VPS35: variants seen among roughly 807,000 people sequenced by gnomAD.
VPS35 encodes the protein VPS35 retromer complex component.
Under a neutral mutation model 98.1 loss-of-function variants are expected in VPS35, and 21 were observed. That is an observed-to-expected ratio of 0.21 (90% CI 0.15 to 0.31). The LOEUF (loss-of-function observed/expected upper bound fraction) is 0.31. Among genes scored for constraint, VPS35 ranks in the 10% least tolerant of loss-of-function variants. The pLI, the probability that VPS35 is intolerant of heterozygous loss-of-function variation, is 1.00. For missense variants in VPS35, 554 were observed against 950.8 expected (o/e 0.58, Z 5.49); for synonymous variants, 268 against 318.2 (o/e 0.84, Z 1.68).
At chr16:46,688,711 G>A in intron 1 of VPS35, 1 of 1,139,926 alleles carries the variant, frequency 8.8e-7, no homozygotes, top group Admixed American at 4.1e-5. Flanking sequence ...AGGTAGAAAC[G>A]CAACATCTGG....
intron 13 of VPS35, among the ~76,000 whole-genome samples, chr16:46,663,512 G>C (rs566206994): frequency 1.3e-5 from 2 of 152,126 alleles, no homozygotes; most frequent in Non-Finnish European, 2.9e-5. Flanking sequence ...CTCCCGAGTA[G>C]CTGGGATTAC....
intron 5 of VPS35, among the ~76,000 whole-genome samples, chr16:46,679,697 G>A (rs996640563): frequency 6.6e-6 from 1 of 152,154 alleles, no homozygotes; most frequent in African/African-American, 2.4e-5. Flanking sequence ...TGGATTTCCT[G>A]CTTTATTTTT....
intron 13 of VPS35, among the ~76,000 whole-genome samples, chr16:46,665,840 G>C (rs561435475): frequency 2.0e-4 from 31 of 152,204 alleles, no homozygotes; most frequent in Admixed American, 1.8e-3. Flanking sequence ...ACCCAGGCTG[G>C]AGCGCAAAAG....
intron 10 of VPS35, among the ~76,000 whole-genome samples, 174 bp from the exon 11 acceptor site, chr16:46,672,646 T>A (rs1241453517): frequency 6.6e-6 from 1 of 152,240 alleles, no homozygotes; most frequent in Non-Finnish European, 1.5e-5. Flanking sequence ...ATAAAAATGC[T>A]TATCTAAACA....
rs1965853579 is a variant in VPS35 at position 46,657,586 on chromosome 16, T to C, written c.*2886A>G. 6.6e-6 allele frequency: 1 copy of C among 152,202 alleles called. No individual in the cohort carries two copies. The highest frequency in any genetic ancestry group is 2.4e-5 in the African/African-American group (1 of 41,422). The allele number at this position is 152,202 out of a possible 1,614,324, so 9.4% of individuals were successfully genotyped here. On this transcript the variant is annotated 3_prime_UTR_variant, in exon 17 of 17. Coordinates refer to ENST00000299138, the MANE Select transcript of VPS35 (RefSeq NM_018206.6). ...TGCCTGATCAACTCAAACGCCTCTC[T>C]CTTTGAGCAGTGTCTATCAGCAGGG...
chr16:46,679,951 AAAAC>A (rs749017761), intron 5 of VPS35, among the ~76,000 whole-genome samples: 7 of 152,274 alleles, frequency 4.6e-5, no homozygotes, highest in Non-Finnish European at 8.8e-5. Context: ...TAAAAAGAAA[AAAAC>A]AAAATCTGTT....
At chr16:46,681,227 TA>T in intron 4 of VPS35, 149 bp downstream of exon 4, 3 of 1,150,774 alleles carry the variant, frequency 2.6e-6, no homozygotes, top group Non-Finnish European at 3.8e-6. Context: ...CTAGTTACTC[TA>T]AAACAAGTAA....
chr16:46,665,197 T>C (rs773554761), intron 13 of VPS35, among the ~76,000 whole-genome samples: 5 of 152,246 alleles, frequency 3.3e-5, no homozygotes, highest in African/African-American at 7.2e-5. Context: ...ATTTGATTTC[T>C]TAAAAGGTTC....
intron 8 of VPS35, among the ~76,000 whole-genome samples, chr16:46,675,735 A>G (rs1385879684): frequency 1.3e-5 from 2 of 152,210 alleles, no homozygotes; most frequent in African/African-American, 4.8e-5. Flanking sequence ...AGTGTAGGAC[A>G]GACATCATAT....
Position 46,657,988 on chromosome 16 carries a change from C to T in VPS35, c.*2484G>A, listed in dbSNP as rs1596706550. 2 of 152,314 alleles carry T rather than the reference C, an allele frequency of 1.3e-5. No individual in the cohort carries two copies. The highest frequency in any genetic ancestry group is 3.9e-4 in the East Asian group (2 of 5,186). 9.4% of individuals were successfully genotyped at this position (152,314 alleles called of 1,614,324 possible). A position where few individuals can be genotyped will look rare whatever the true frequency, so the allele number is the denominator to read the frequency against. On this transcript the variant is annotated 3_prime_UTR_variant, in exon 17 of 17. Transcript: ENST00000299138. ...AAAGGAGAACAGGGAATAGCAGACA[C>T]ACAAAGCACAAAGCCAAATATTTAT... is the stretch of plus-strand genomic sequence containing the variant.
At chr16:46,669,666 C>CAA (rs949838651) in intron 12 of VPS35, among the ~76,000 whole-genome samples, 3 of 60,718 alleles carry the variant, frequency 4.9e-5, no homozygotes, top group Non-Finnish European at 3.4e-5. Context: ...GATTCCATCT[C>CAA]AAAAAAAAAA....
Position 46,681,904 on chromosome 16 carries a change from G to A in VPS35, c.199+175C>T, listed in dbSNP as rs1307422493. ...AAAGATGTTTAAGCATAGGAAAGGAGTACTCTCAAAGTGTTTTTCTCACTT... is the reference window on the plus strand; with the variant it reads ...AAAGATGTTTAAGCATAGGAAAGGAATACTCTCAAAGTGTTTTTCTCACTT... On this transcript the variant is annotated intron_variant, in intron 3 of 16. Transcript: ENST00000299138. The A allele has an allele frequency of 9.0e-5, 55 of 610,432 alleles. No homozygotes were observed. In the Admixed American group the frequency reaches 1.6e-3, roughly 17 times the overall value. The allele number at this position is 610,432 out of a possible 1,614,324, so 37.8% of individuals were successfully genotyped here.
In VPS35 at chr16:46,671,593, C is replaced by T; in HGVS notation, c.1524+112G>A. On this transcript the variant is annotated intron_variant, in intron 12 of 16. Transcript: ENST00000299138. ...TTCAAGTGAATCTTTAATTCAGTTG[C>T]AATTCCTTCAAAACCATCTAAGACC... 3 of 1,453,372 alleles carry T rather than the reference C, an allele frequency of 2.1e-6. No individual in the cohort carries two copies. The East Asian group carries it at 7.2e-5, about 35-fold the overall frequency. The allele number at this position is 1,453,372 out of a possible 1,614,324, so 90.0% of individuals were successfully genotyped here.
intron 1 of VPS35, 102 bp from the exon 2 acceptor site, chr16:46,683,708 C>CA (rs1396740725): frequency 1.1e-5 from 13 of 1,233,290 alleles, no homozygotes; most frequent in Non-Finnish European, 1.5e-5. Flanking sequence ...ATGTCCAGCT[C>CA]TATACCTCAA....
chr16:46,683,402 C>T (rs1966262352), intron 2 of VPS35, 106 bp downstream of exon 2: 33 of 1,052,100 alleles, frequency 3.1e-5, no homozygotes, highest in South Asian at 1.3e-4. Context: ...TGCTGGTAAA[C>T]GGTGAAGATT....
Position 46,671,851 on chromosome 16 carries a change from T to C in VPS35, c.1378A>G (p.Ile460Val), listed in dbSNP as rs367611000. 41 of 1,612,508 alleles carry C rather than the reference T, an allele frequency of 2.5e-5. No homozygotes were observed. The highest frequency in any genetic ancestry group is 3.3e-5 in the South Asian group (3 of 91,022). Residue 460 changes from isoleucine to valine, a missense_variant, in exon 12 of 17, where the codon ATA becomes GTA. Ile to Val is a conservative substitution (Grantham distance 29). Transcript: ENST00000299138. Reference sequence around the variant, plus strand: ...ATCAACGTGGATACCAAATTCATTATGGAATCCACCTGTAACATGCGAGGC... The same window carrying C: ...ATCAACGTGGATACCAAATTCATTACGGAATCCACCTGTAACATGCGAGGC... The part of the protein sequence containing the change: ...EIVSQDQVDS[I>V]MNLVSTLIQD...
At position 46,660,352 on chromosome 16, in the gene VPS35, G is replaced by C. The variant is rs1427823670; in HGVS notation, c.*120C>G. 1.3e-5 allele frequency: 17 copies of C among 1,273,768 alleles called. No individual in the cohort carries two copies. Among genetic ancestry groups the C allele is most frequent in the African/African-American group, 7.3e-5 (5 of 68,332 alleles). The allele number at this position is 1,273,768 out of a possible 1,614,324, so 78.9% of individuals were successfully genotyped here. On this transcript the variant is annotated 3_prime_UTR_variant, in exon 17 of 17. Coordinates refer to ENST00000299138, the MANE Select transcript of VPS35 (RefSeq NM_018206.6). ...AGGTGCTGGGTAAAACACATCACAG[G>C]TAAGAAATGGGAAACCTACCTCAGC...
At chr16:46,683,870 G>A (rs924194522) in intron 1 of VPS35, among the ~76,000 whole-genome samples, 52 of 152,160 alleles carry the variant, frequency 3.4e-4, no homozygotes, top group African/African-American at 8.9e-4. Flanking sequence ...GACTACAAGC[G>A]CCCATCACCA....
In VPS35 at chr16:46,660,390, C is replaced by T. The variant is rs1965893446; in HGVS notation, c.*82G>A. 6.4e-7 allele frequency: 1 copy of T among 1,568,992 alleles called. No homozygotes were observed. Among genetic ancestry groups the T allele is most frequent in the African/African-American group, 1.3e-5 (1 of 74,170 alleles). On this transcript the variant is annotated 3_prime_UTR_variant, in exon 17 of 17. Coordinates refer to ENST00000299138, the MANE Select transcript of VPS35 (RefSeq NM_018206.6). ...AACCTACCTCAGCATTTCTGAAAGG[C>T]ACAATCTATGGAAGGGAAACCTAGC...
Sources: gnomAD v4.1 joint callset for allele counts (sites outside exome capture counted in the v4.1 genomes callset) on GRCh38, gnomAD v4.1.1 for gene constraint, MANE v1.5 for transcripts, NCBI Gene and HGNC (gene_info 2026-07-23, HGNC 2026-07-21) for gene names.